MIPOL1: variants seen among roughly 807,000 people sequenced by gnomAD.
MIPOL1 encodes the protein mirror-image polydactyly gene 1 protein.
MIPOL1 carries 57 observed loss-of-function variants against 60.9 expected under a neutral mutation model. That is an observed-to-expected ratio of 0.94 (90% CI 0.76 to 1.17). The LOEUF (loss-of-function observed/expected upper bound fraction) is 1.17. MIPOL1 is among the 50% of genes most tolerant of loss of function. The pLI is 0.00. For missense variants in MIPOL1, 551 were observed against 511.6 expected (o/e 1.08, Z -0.74); for synonymous variants, 179 against 168.8 (o/e 1.06, Z -0.47).
At position 37,542,573 on chromosome 14, in the gene MIPOL1, CCT is replaced by C. The variant is rs374056521; in HGVS notation, c.1263-4331_1263-4330del. ...CTCTGCCTGGAATGCACAACCATGC[CCT>C]GTCTCCATTCCCACCTTTCTTGAGG... is the stretch of plus-strand genomic sequence containing the variant. On this transcript the variant is annotated intron_variant, in intron 12 of 12. Coordinates refer to ENST00000684589, the MANE Select transcript of MIPOL1 (RefSeq NM_001388067.1). Among the ~76,000 whole-genome samples, 1,080 of 152,268 alleles carry C rather than the reference CCT, an allele frequency of 7.1e-3. 18 individuals carry two copies. Among genetic ancestry groups the C allele is most frequent in the African/African-American group, 0.023 (947 of 41,554 alleles).
chr14:37,337,954 T>G (rs1050013323), intron 9 of MIPOL1, among the ~76,000 whole-genome samples: 1 of 151,976 alleles, frequency 6.6e-6, no homozygotes, highest in Admixed American at 6.6e-5. Context: ...TCATGGTCAC[T>G]AAAATTTACT....
chr14:37,386,900 A>C (rs907816885), intron 10 of MIPOL1, among the ~76,000 whole-genome samples: 5 of 152,002 alleles, frequency 3.3e-5, no homozygotes, highest in Admixed American at 6.6e-5. Context: ...TTCTAATCCC[A>C]GCTTTTCAAT....
intron 12 of MIPOL1, chr14:37,503,608 C>T (rs532546473): frequency 6.6e-6 from 1 of 152,018 alleles, no homozygotes; most frequent in African/African-American, 2.4e-5. Flanking sequence ...GAAGGAAGCA[C>T]TAAACATGGA....
At chr14:37,391,399 A>T (rs1350837544) in intron 10 of MIPOL1, among the ~76,000 whole-genome samples, 1 of 24,486 alleles carries the variant, frequency 4.1e-5, no homozygotes, top group Admixed American at 7.3e-4. Context: ...ATGAAGCCTA[A>T]TCTTTTTTTT....
intron 1 of MIPOL1, among the ~76,000 whole-genome samples, chr14:37,238,121 T>G (rs995569528): frequency 7.9e-5 from 12 of 152,190 alleles, no homozygotes; most frequent in African/African-American, 2.9e-4. Context: ...GCAAACACTA[T>G]CTTCTCCCTT....
chr14:37,457,456 A>G (rs1276616400), intron 11 of MIPOL1, among the ~76,000 whole-genome samples: 1 of 152,098 alleles, frequency 6.6e-6, no homozygotes, highest in East Asian at 1.9e-4. Flanking sequence ...GTTTCACAAA[A>G]CACTTGGCAG....
intron 10 of MIPOL1, among the ~76,000 whole-genome samples, chr14:37,411,323 TTC>T (rs1421734575): frequency 6.6e-6 from 1 of 152,152 alleles, no homozygotes; most frequent in Admixed American, 6.5e-5. Flanking sequence ...CACTATGAAT[TTC>T]TTTTTTCCTC....
Position 37,200,850 on chromosome 14 carries a change from ATGTGTGTGTGTGTGTGTGTGTG to A in MIPOL1, c.-199+2774_-199+2795del, listed in dbSNP as rs56965903. Among the ~76,000 whole-genome samples the A allele has an allele frequency of 1.2e-3, 102 of 87,044 alleles. 1 individual carries two copies. Among genetic ancestry groups the A allele is most frequent in the Middle Eastern group, 0.01 (1 of 96 alleles). The allele number at this position is 87,044 out of a possible 152,430, so 57.1% of individuals were successfully genotyped here. A position where few individuals can be genotyped will look rare whatever the true frequency, so the allele number is the denominator to read the frequency against. On this transcript the variant is annotated intron_variant, in intron 1 of 12. Transcript: ENST00000684589. ...TAGATCCATAATACTATATCTATCTATGTGTGTGTGTGTGTGTGTGTGTGTGTGTGTGTGTGTGTGTGTGTGT... is the reference window on the plus strand; with the variant it reads ...TAGATCCATAATACTATATCTATCTATGTGTGTGTGTGTGTGTGTGTGTGT...
intron 6 of MIPOL1, chr14:37,277,185 CAT>C (rs1331130115): frequency 1.3e-5 from 2 of 151,006 alleles, no homozygotes; most frequent in African/African-American, 4.8e-5. Context: ...GTATTTAAAA[CAT>C]AAAAATAACA....
intron 1 of MIPOL1, 40 bp downstream of exon 1, chr14:37,198,144 A>G (rs1964629082): frequency 6.6e-6 from 1 of 152,374 alleles, no homozygotes; most frequent in Admixed American, 6.5e-5. Context: ...ACGGAGAATG[A>G]TAGTGGTGGG....
In MIPOL1 at chr14:37,262,702, T is replaced by A. The variant is rs78320587; in HGVS notation, c.20-4236T>A. Among the ~76,000 whole-genome samples, 682 of 152,292 alleles carry A rather than the reference T, an allele frequency of 4.5e-3. 7 individuals are homozygous for A. The highest frequency in any genetic ancestry group is 0.041 in the Middle Eastern group (12 of 294). On this transcript the variant is annotated intron_variant, in intron 3 of 12. Transcript: ENST00000684589. ...GAGGCAGGCGATCCATTTATTTGAA[T>A]GTATTTGCCCCTAATACTTCTATCC...
intron 1 of MIPOL1, among the ~76,000 whole-genome samples, chr14:37,201,234 T>C (rs1965291175): frequency 1.3e-5 from 2 of 152,038 alleles, no homozygotes; most frequent in African/African-American, 4.8e-5. Flanking sequence ...TGTTATAGTG[T>C]TTTGGTGTTG....
intron 9 of MIPOL1, among the ~76,000 whole-genome samples, chr14:37,336,431 G>C (rs117092829): frequency 0.057 from 8,556 of 149,614 alleles, 325 homozygotes; most frequent in Non-Finnish European, 0.084. Flanking sequence ...TCTCTTCTAA[G>C]TTGCTTTTCC....
intron 3 of MIPOL1, among the ~76,000 whole-genome samples, chr14:37,260,954 G>C (rs1431596858): frequency 1.3e-5 from 2 of 151,808 alleles, no homozygotes; most frequent in Non-Finnish European, 2.9e-5. Flanking sequence ...TAAATTTCTT[G>C]TTTTCCTGCC....
chr14:37,271,768 TTTTGGATACTCTTACAAGAA>T (rs1342935018), intron 6 of MIPOL1, among the ~76,000 whole-genome samples: 5 of 151,680 alleles, frequency 3.3e-5, no homozygotes, highest in African/African-American at 1.2e-4. Flanking sequence ...AAGAAATTTG[TTTTGGATACTCTTACAAGAA>T]TTTTGATGCA....
At chr14:37,293,740 A>G (rs1192343918) in intron 7 of MIPOL1, among the ~76,000 whole-genome samples, 1 of 152,164 alleles carries the variant, frequency 6.6e-6, no homozygotes, top group Non-Finnish European at 1.5e-5. Flanking sequence ...TCAAACTGCA[A>G]GGTGGCAGCG....
intron 6 of MIPOL1, among the ~76,000 whole-genome samples, chr14:37,273,602 T>C (rs1042399803): frequency 6.6e-6 from 1 of 151,436 alleles, no homozygotes; most frequent in Non-Finnish European, 1.5e-5. Context: ...TTGTATAATT[T>C]AGAAGAATCT....
At chr14:37,387,045 T>A (rs767563442) in intron 10 of MIPOL1, among the ~76,000 whole-genome samples, 6 of 151,834 alleles carry the variant, frequency 4.0e-5, no homozygotes, top group Non-Finnish European at 7.4e-5. Flanking sequence ...AAAAATAATA[T>A]TCAATAATAT....
At chr14:37,476,319 C>T (rs980929005) in intron 11 of MIPOL1, among the ~76,000 whole-genome samples, 4 of 152,004 alleles carry the variant, frequency 2.6e-5, no homozygotes, top group African/African-American at 9.7e-5. Flanking sequence ...ATTGGATGGT[C>T]TGGAATGTTT....
Sources: gnomAD v4.1 joint callset for allele counts (sites outside exome capture counted in the v4.1 genomes callset) on GRCh38, gnomAD v4.1.1 for gene constraint, MANE v1.5 for transcripts, NCBI Gene and HGNC (gene_info 2026-07-23, HGNC 2026-07-21) for gene names.